ETF1: variants seen among roughly 807,000 people sequenced by gnomAD.
ETF1 encodes eukaryotic peptide chain release factor subunit 1.
ETF1 carries 4 observed loss-of-function variants against 55.1 expected under a neutral mutation model. The observed-to-expected ratio is 0.07, with a 90% CI of 0.04 to 0.17. The LOEUF (loss-of-function observed/expected upper bound fraction) is 0.17, where lower values mean the gene tolerates loss of function less well. Among genes scored for constraint, ETF1 ranks in the 10% least tolerant of loss-of-function variants. ETF1 has a pLI of 1.00. For synonymous variants in ETF1, 157 were observed against 182.3 expected (o/e 0.86, Z 1.12); for missense variants, 142 against 523.6 (o/e 0.27, Z 7.11).
chr5:138,533,327 T>A (rs866906676), intron 2 of ETF1, among the ~76,000 whole-genome samples: 1 of 151,904 alleles, frequency 6.6e-6, no homozygotes, highest in Non-Finnish European at 1.5e-5. Context: ...ATTCCTACCA[T>A]CATCTCTATA....
intron 2 of ETF1, among the ~76,000 whole-genome samples, chr5:138,527,888 T>C (rs967066739): frequency 2.6e-5 from 4 of 152,076 alleles, no homozygotes; most frequent in African/African-American, 9.7e-5. Context: ...TTCTCCTGCC[T>C]CAGCCTCCTG....
Position 138,513,948 on chromosome 5 carries a change from T to C in ETF1, c.403-242A>G, listed in dbSNP as rs76044752. 2.0e-3 allele frequency: 1,811 copies of C among 908,984 alleles called. 41 individuals are homozygous for C. The African/African-American group carries it at 0.03, about 15-fold the overall frequency. The allele number at this position is 908,984 out of a possible 1,614,324, so 56.3% of individuals were successfully genotyped here. On this transcript the variant is annotated intron_variant, in intron 4 of 10. Transcript: ENST00000360541. ...GTGAAGCTTTTCAACACATTTGACA[T>C]GGGCATGTAAATATAAAACCAGAAA...
At chr5:138,538,952 C>T (rs1766063109) in intron 2 of ETF1, among the ~76,000 whole-genome samples, 1 of 152,130 alleles carries the variant, frequency 6.6e-6, no homozygotes, top group Non-Finnish European at 1.5e-5. Context: ...TATTTGGGGG[C>T]AGGAACAACC....
Position 138,517,605 on chromosome 5 carries a change from T to C in ETF1, c.358A>G (p.Ile120Val), listed in dbSNP as rs1341287756. ...VNIDFEPFKP[I>V]NTSLYLCDNK... is the part of the protein sequence containing the mutation. ...TCACACAAATACAATGACGTATTAA[T>C]TGGTTTGAAAGGTTCAAAGTCAATG... Residue 120 changes from isoleucine (I) to valine (V), a missense_variant, in exon 4 of 11, where the codon ATT becomes GTT. Ile to Val is a conservative substitution (Grantham distance 29). Around this residue, in one of 5 missense-constraint regions of ETF1, gnomAD observed 22 missense variants for 158.7 expected, o/e 0.14. Coordinates refer to ENST00000360541, the MANE Select transcript of ETF1 (RefSeq NM_004730.4). 1 of 1,597,478 alleles carries C rather than the reference T, an allele frequency of 6.3e-7. No homozygotes were observed. The highest frequency in any genetic ancestry group is 8.6e-7 in the Non-Finnish European group (1 of 1,169,032).
chr5:138,536,437 G>C (rs902567035), intron 2 of ETF1, among the ~76,000 whole-genome samples: 1 of 152,150 alleles, frequency 6.6e-6, no homozygotes, highest in African/African-American at 2.4e-5. Context: ...GTATCAGAGG[G>C]AGCTTCATCA....
intron 10 of ETF1, 52 bp from the exon 11 acceptor site, chr5:138,508,439 T>C: frequency 6.2e-7 from 1 of 1,608,430 alleles, no homozygotes; most frequent in Non-Finnish European, 8.5e-7. Context: ...GATGGGCATG[T>C]GTGTAGGTGG....
Position 138,510,544 on chromosome 5 carries a change from AC to A in ETF1, c.1083+20del. ...GATTTACGCTTGCACGTATCATCAA[AC>A]CAAGAAAATAATCACATACCTCTTT... On this transcript the variant is annotated intron_variant, in intron 9 of 10. Transcript: ENST00000360541. 1 of 1,586,940 alleles carries A rather than the reference AC, an allele frequency of 6.3e-7. No homozygotes were observed. The highest frequency in any genetic ancestry group is 8.7e-7 in the Non-Finnish European group (1 of 1,155,444).
At chr5:138,531,162 C>T (rs1765684568) in intron 2 of ETF1, among the ~76,000 whole-genome samples, 1 of 152,200 alleles carries the variant, frequency 6.6e-6, no homozygotes, top group African/African-American at 2.4e-5. Context: ...TAGATTCATG[C>T]TGCTATTTAA....
intron 2 of ETF1, chr5:138,541,525 A>G: frequency 6.5e-7 from 1 of 1,533,492 alleles, no homozygotes; most frequent in Non-Finnish European, 8.7e-7. Flanking sequence ...CAACCTGTGA[A>G]TTGGGCCTTC....
chr5:138,516,619 C>T (rs558284169), intron 4 of ETF1, among the ~76,000 whole-genome samples: 42 of 152,220 alleles, frequency 2.8e-4, no homozygotes, highest in Admixed American at 5.2e-4. Context: ...CTAGCCTGGG[C>T]GACAGTGTGA....
chr5:138,515,878 C>T (rs535841274), intron 4 of ETF1, among the ~76,000 whole-genome samples: 2 of 152,204 alleles, frequency 1.3e-5, no homozygotes, highest in Non-Finnish European at 2.9e-5. Context: ...ATTGTCTATG[C>T]AGTCGACCAA....
At chr5:138,519,660 C>T (rs941587314) in intron 2 of ETF1, among the ~76,000 whole-genome samples, 12 of 147,910 alleles carry the variant, frequency 8.1e-5, no homozygotes, top group African/African-American at 3.0e-4. Context: ...TAGACTTAGT[C>T]TCGAGAAAAA....
chr5:138,521,770 T>TC (rs1349011599), intron 2 of ETF1, among the ~76,000 whole-genome samples: 1 of 152,146 alleles, frequency 6.6e-6, no homozygotes, highest in African/African-American at 2.4e-5. Context: ...CCTCAGGTGA[T>TC]CCCCCTGCCT....
intron 2 of ETF1, among the ~76,000 whole-genome samples, chr5:138,538,220 C>T (rs1281845850): frequency 1.4e-5 from 2 of 140,720 alleles, no homozygotes; most frequent in African/African-American, 2.7e-5. Context: ...GACAGAGTTT[C>T]ACTCTGTTGC....
intron 2 of ETF1, among the ~76,000 whole-genome samples, chr5:138,533,925 A>G (rs1465998133): frequency 6.6e-6 from 1 of 152,136 alleles, no homozygotes; most frequent in East Asian, 1.9e-4. Flanking sequence ...ACTACCATCT[A>G]TGAGGCATGT....
chr5:138,535,346 T>C (rs942144935), intron 2 of ETF1, among the ~76,000 whole-genome samples: 2 of 151,872 alleles, frequency 1.3e-5, no homozygotes, highest in African/African-American at 4.8e-5. Flanking sequence ...GGCTTTTTTT[T>C]TTGAGACAGA....
In ETF1 at chr5:138,542,768, G is replaced by T. The variant is rs1766239793; in HGVS notation, c.86+65C>A. ...TCTCCTCATCCGGCCATGCGGCGCG[G>T]GGGCGTCCATCCTGAGGGGTCCGGG... On this transcript the variant is annotated intron_variant, in intron 2 of 10. Transcript: ENST00000360541. 3 of 1,590,322 alleles carry T rather than the reference G, an allele frequency of 1.9e-6. No individual in the cohort carries two copies. In the South Asian group the frequency reaches 3.4e-5, roughly 18 times the overall value.
At position 138,506,507 on chromosome 5, in the gene ETF1, T is replaced by C. The variant is rs1470455843; in HGVS notation, c.*1798A>G. On this transcript the variant is annotated 3_prime_UTR_variant, in exon 11 of 11. Coordinates refer to ENST00000360541, the MANE Select transcript of ETF1 (RefSeq NM_004730.4). ...TTACAATGGCAAAACCCTAAGGTACTGCTGTGAAGAGAGCATGTTTGCTCG... is the reference window on the plus strand; with the variant it reads ...TTACAATGGCAAAACCCTAAGGTACCGCTGTGAAGAGAGCATGTTTGCTCG... 1.3e-5 allele frequency: 2 copies of C among 152,674 alleles called. No individual in the cohort carries two copies. Among genetic ancestry groups the C allele is most frequent in the Non-Finnish European group, 2.9e-5 (2 of 68,046 alleles). The allele number at this position is 152,674 out of a possible 1,614,324, so 9.5% of individuals were successfully genotyped here. A position where few individuals can be genotyped will look rare whatever the true frequency, so the allele number is the denominator to read the frequency against.
rs563778070 is a variant in ETF1 at position 138,506,215 on chromosome 5, T to C, written c.*2090A>G. 1 of 152,730 alleles carries C rather than the reference T, an allele frequency of 6.5e-6. No individual in the cohort carries two copies. Among genetic ancestry groups the C allele is most frequent in the Non-Finnish European group, 1.5e-5 (1 of 68,014 alleles). 9.5% of individuals were successfully genotyped at this position (152,730 alleles called of 1,614,324 possible). ...TGCAAAGGCTACGGTTTTCACCCCC[T>C]CTTATATGTGTTTGTATGTGTAAGT... On this transcript the variant is annotated 3_prime_UTR_variant, in exon 11 of 11. Transcript: ENST00000360541.
Sources: allele counts gnomAD v4.1 joint callset (sites outside exome capture counted in the v4.1 genomes callset), GRCh38; gene constraint gnomAD v4.1.1; regional missense constraint gnomAD v4.1.1; transcripts MANE v1.5; gene names NCBI Gene and HGNC (gene_info 2026-07-23, HGNC 2026-07-21).